AVL9: variants seen among roughly 807,000 people sequenced by gnomAD.
AVL9 encodes late secretory pathway protein AVL9 homolog.
In AVL9, 49 loss-of-function variants were observed where a neutral mutation model predicts 79.2. The ratio of observed to expected loss-of-function variants is 0.62; its 90% CI spans 0.49 to 0.79. The LOEUF (loss-of-function observed/expected upper bound fraction) is 0.79. AVL9 is among the 30% of genes least tolerant of loss of function. The probability of loss-of-function intolerance (pLI) is 0.00; values close to 1 mark genes in which losing one functional copy is unlikely to be tolerated. For missense variants in AVL9, 682 were observed against 776.8 expected, an observed-to-expected ratio of 0.88 and a Z score of 1.45; for synonymous variants, 299 against 280.6, an observed-to-expected ratio of 1.07 and a Z score of -0.65.
intron 1 of AVL9, among the ~76,000 whole-genome samples, chr7:32,531,234 TG>T (rs1788633029): frequency 6.6e-6 from 1 of 152,114 alleles, no homozygotes; most frequent in African/African-American, 2.4e-5. Context: ...GCATAGCAAG[TG>T]GCTTTAAGCG....
At chr7:32,546,666 TA>T (rs982226029) in intron 3 of AVL9, among the ~76,000 whole-genome samples, 65 of 151,512 alleles carry the variant, frequency 4.3e-4, no homozygotes, top group African/African-American at 1.5e-3. Flanking sequence ...ACTAAAAATA[TA>T]AAAAAATTAG....
At chr7:32,581,404 C>T (rs1002543387) in intron 15 of AVL9, 3 of 152,324 alleles carry the variant, frequency 2.0e-5, no homozygotes, top group Non-Finnish European at 4.4e-5. Flanking sequence ...ATTAAAAGAA[C>T]AGAAAATAGG....
intron 3 of AVL9, among the ~76,000 whole-genome samples, chr7:32,546,083 T>TTTTTTTAA (rs1554340432): frequency 3.4e-4 from 49 of 144,818 alleles, no homozygotes; most frequent in South Asian, 6.4e-4. Flanking sequence ...TTTTTTTTTT[T>TTTTTTTAA]AAATATCTGT....
intron 10 of AVL9, among the ~76,000 whole-genome samples, chr7:32,569,726 G>C (rs1388681035): frequency 2.0e-5 from 3 of 152,166 alleles, no homozygotes; most frequent in Admixed American, 6.5e-5. Flanking sequence ...AGTTACTGTG[G>C]AGACTTTTAA....
At chr7:32,576,490 C>A (rs1307696191) in intron 13 of AVL9, among the ~76,000 whole-genome samples, 1 of 152,118 alleles carries the variant, frequency 6.6e-6, no homozygotes, top group Admixed American at 6.6e-5. Flanking sequence ...TATGCGAAAC[C>A]AATTAAAGTT....
chr7:32,521,487 A>G (rs1788152929), intron 1 of AVL9, among the ~76,000 whole-genome samples: 1 of 152,176 alleles, frequency 6.6e-6, no homozygotes, highest in Non-Finnish European at 1.5e-5. Context: ...CATTTGTGGA[A>G]CTTTGAACTT....
chr7:32,560,990 A>G (rs947799986), intron 10 of AVL9, among the ~76,000 whole-genome samples: 5 of 152,244 alleles, frequency 3.3e-5, no homozygotes, highest in African/African-American at 1.2e-4. Flanking sequence ...GTAGGTCTCA[A>G]CAGTGGCCTT....
chr7:32,544,521 T>C (rs759282368), intron 2 of AVL9, among the ~76,000 whole-genome samples, 173 bp from the exon 3 acceptor site: 2 of 152,188 alleles, frequency 1.3e-5, no homozygotes, highest in Admixed American at 1.3e-4. Flanking sequence ...CATAAAGCAA[T>C]GAGAAAAATT....
At chr7:32,562,141 A>G (rs953435497) in intron 10 of AVL9, among the ~76,000 whole-genome samples, 1 of 152,250 alleles carries the variant, frequency 6.6e-6, no homozygotes, top group African/African-American at 2.4e-5. Context: ...CAGGGAAGTG[A>G]GCACAGGCTG....
intron 15 of AVL9, among the ~76,000 whole-genome samples, chr7:32,582,192 A>G (rs932112537): frequency 5.3e-5 from 8 of 152,224 alleles, no homozygotes; most frequent in Non-Finnish European, 1.5e-5. Flanking sequence ...TGATTCACCA[A>G]TTATTTACAT....
At chr7:32,497,842 G>C (rs376994216) in intron 1 of AVL9, among the ~76,000 whole-genome samples, 2 of 151,958 alleles carry the variant, frequency 1.3e-5, no homozygotes, top group Non-Finnish European at 2.9e-5. Context: ...TAGTAGAGAC[G>C]GGGTTTCACA....
At chr7:32,500,507 C>T (rs978911910) in intron 1 of AVL9, among the ~76,000 whole-genome samples, 4 of 152,020 alleles carry the variant, frequency 2.6e-5, no homozygotes, top group Admixed American at 2.6e-4. Context: ...GGGTAGATTG[C>T]AAAAATTTTC....
At position 32,554,588 on chromosome 7, in the gene AVL9, G is replaced by GA; in HGVS notation, c.608dup (p.Val204GlyfsTer10). 4.0e-6 allele frequency: 6 copies of GA among 1,500,504 alleles called. No homozygotes were observed. The highest frequency in any genetic ancestry group is 3.9e-5 in the Admixed American group (2 of 50,930). The allele number at this position is 1,500,504 out of a possible 1,614,324, so 92.9% of individuals were successfully genotyped here. A position where few individuals can be genotyped will look rare whatever the true frequency, so the allele number is the denominator to read the frequency against. On this transcript the variant is annotated frameshift_variant, in exon 8 of 16. Transcript: ENST00000318709. LOFTEE classifies it high-confidence loss of function. ...AATCCTATTTAAGCTAATTCTTCTT[G>GA]AAAAAAAGGTACGATCCTAAGGGAT...
At chr7:32,529,873 G>A (rs1294023816) in intron 1 of AVL9, among the ~76,000 whole-genome samples, 1 of 152,134 alleles carries the variant, frequency 6.6e-6, no homozygotes, top group African/African-American at 2.4e-5. Flanking sequence ...TCCCACACAA[G>A]AGTAACCATG....
chr7:32,545,017 C>T lies in AVL9; in HGVS notation c.300+238C>T, dbSNP rs187042660. On this transcript the variant is annotated intron_variant, in intron 3 of 15. Coordinates refer to ENST00000318709, the MANE Select transcript of AVL9 (RefSeq NM_015060.3). Reference sequence around the variant, plus strand: ...TGTACATTGCTTTTAGATAGTGATACATAAATTATCTATTTGTCTTTTAAA... The same window carrying T: ...TGTACATTGCTTTTAGATAGTGATATATAAATTATCTATTTGTCTTTTAAA... Among the ~76,000 whole-genome samples, 39 of 152,300 alleles carry T rather than the reference C, an allele frequency of 2.6e-4. No homozygotes were observed. The East Asian group carries it at 7.5e-3, about 29-fold the overall frequency.
chr7:32,558,488 CT>C, intron 8 of AVL9, 70 bp from the exon 9 acceptor site: 2 of 1,228,006 alleles, frequency 1.6e-6, no homozygotes, highest in Non-Finnish European at 2.3e-6. Context: ...ATTTTTCCCT[CT>C]TTTTTATTTG....
chr7:32,498,732 T>C (rs910816664), intron 1 of AVL9, among the ~76,000 whole-genome samples: 9 of 151,180 alleles, frequency 6.0e-5, no homozygotes, highest in Admixed American at 2.0e-4. Flanking sequence ...ACATTTTAAG[T>C]GATTTTTTTG....
chr7:32,573,372 G>A lies in AVL9; in HGVS notation c.1524G>A (p.Gln508=). 1.2e-6 allele frequency: 2 copies of A among 1,613,690 alleles called. No homozygotes were observed. Among genetic ancestry groups the A allele is most frequent in the Non-Finnish European group, 1.7e-6 (2 of 1,179,994 alleles). The change falls in exon 12 of 16, where the codon CAG becomes CAA. Residue 508 remains glutamine, a synonymous_variant. Coordinates refer to ENST00000318709, the MANE Select transcript of AVL9 (RefSeq NM_015060.3). The part of the protein sequence containing the change: ...WEGGDEWIRA[Q]FAVYIHALLA... The stretch of plus-strand genomic sequence containing the variant: ...GAGGTGACGAATGGATCCGGGCCCA[G>A]TTTGCGGTCTACATTCATGCCCTGC...
At chr7:32,498,012 G>A (rs1786934997) in intron 1 of AVL9, among the ~76,000 whole-genome samples, 2 of 152,256 alleles carry the variant, frequency 1.3e-5, no homozygotes, top group African/African-American at 4.8e-5. Flanking sequence ...ATACTTGGTC[G>A]TAATTTGTAA....
Sources: gnomAD v4.1 joint callset for allele counts (sites outside exome capture counted in the v4.1 genomes callset) on GRCh38, gnomAD v4.1.1 for gene constraint, MANE v1.5 for transcripts, NCBI Gene and HGNC (gene_info 2026-07-23, HGNC 2026-07-21) for gene names.